ELOVL7: variants seen among roughly 807,000 people sequenced by gnomAD.
The protein encoded by ELOVL7 is very long chain fatty acid elongase 7.
In ELOVL7, 27 loss-of-function variants were observed where a neutral mutation model predicts 35.7. The ratio of observed to expected loss-of-function variants is 0.76; its 90% CI spans 0.56 to 1.04. The LOEUF is 1.04. ELOVL7 is among the 50% of genes least tolerant of loss of function. The pLI is 0.00. For synonymous variants in ELOVL7, 113 were observed against 114.6 expected (o/e 0.99, Z 0.09); for missense variants, 327 against 340.8 (o/e 0.96, Z 0.32).
At chr5:60,783,136 A>C (rs1743363112) in intron 3 of ELOVL7, among the ~76,000 whole-genome samples, 1 of 152,164 alleles carries the variant, frequency 6.6e-6, no homozygotes. Context: ...GTCTGGTGTG[A>C]GACCAAGTTT....
chr5:60,757,483 G>A (rs1022187545), intron 8 of ELOVL7, 26 bp downstream of exon 8: 2 of 1,607,248 alleles, frequency 1.2e-6, no homozygotes, highest in Admixed American at 1.7e-5. Flanking sequence ...CTTCATATAT[G>A]GTTTTAAAGA....
chr5:60,829,226 T>G (rs1219957127), intron 1 of ELOVL7, among the ~76,000 whole-genome samples: 2 of 152,132 alleles, frequency 1.3e-5, no homozygotes, highest in Non-Finnish European at 2.9e-5. Context: ...TTCCCAATTC[T>G]TTTCCTAGAG....
intron 3 of ELOVL7, among the ~76,000 whole-genome samples, chr5:60,781,641 T>C (rs1403874372): frequency 6.6e-6 from 1 of 152,222 alleles, no homozygotes. Context: ...ACTTTCAAGT[T>C]CTACAGATAA....
chr5:60,761,953 G>A (rs922164830), intron 7 of ELOVL7, among the ~76,000 whole-genome samples: 1 of 152,054 alleles, frequency 6.6e-6, no homozygotes, highest in Non-Finnish European at 1.5e-5. Flanking sequence ...ATCGAAGGGG[G>A]CTCGGTTAGT....
chr5:60,757,787 A>G lies in ELOVL7; in HGVS notation c.500-142T>C, dbSNP rs1031547319. On this transcript the variant is annotated intron_variant, in intron 7 of 8. Transcript: ENST00000508821. ...ATATCAATCCTGTTAAACAACTATC[A>G]AATTAGAGGGGGCTGGATAGTATAT... is the stretch of plus-strand genomic sequence containing the variant. 9 of 625,232 alleles carry G rather than the reference A, an allele frequency of 1.4e-5. No homozygotes were observed. The African/African-American group carries it at 1.5e-4, about 10-fold the overall frequency. The allele number at this position is 625,232 out of a possible 1,614,324, so 38.7% of individuals were successfully genotyped here.
At chr5:60,802,061 C>CAT (rs59849955) in intron 1 of ELOVL7, among the ~76,000 whole-genome samples, 82 of 77,284 alleles carry the variant, frequency 1.1e-3, no homozygotes, top group Non-Finnish European at 1.4e-3. Flanking sequence ...AATAAACTCT[C>CAT]ATATATATAT....
chr5:60,826,770 G>A (rs1233133870), intron 1 of ELOVL7, among the ~76,000 whole-genome samples: 3 of 152,072 alleles, frequency 2.0e-5, no homozygotes, highest in African/African-American at 7.2e-5. Flanking sequence ...AAAAACCAGG[G>A]GGTTTCCTTC....
At chr5:60,844,075 G>C (rs1747353025) in intron 1 of ELOVL7, 85 bp downstream of exon 1, 1 of 152,296 alleles carries the variant, frequency 6.6e-6, no homozygotes, top group African/African-American at 2.4e-5. Context: ...CGTTCCCCTC[G>C]GCTCTGCCTC....
chr5:60,770,855 G>A (rs372495749), intron 4 of ELOVL7, among the ~76,000 whole-genome samples: 10 of 152,068 alleles, frequency 6.6e-5, no homozygotes, highest in African/African-American at 1.9e-4. Flanking sequence ...GCACCGCCAC[G>A]CCTGGCTAAT....
chr5:60,754,863 T>C (rs1470697056), intron 8 of ELOVL7, 30 bp from the exon 9 acceptor site: 1 of 1,591,114 alleles, frequency 6.3e-7, no homozygotes, highest in Non-Finnish European at 8.6e-7. Context: ...AAAAAAATTA[T>C]TCAGATATGA....
At chr5:60,783,452 T>C (rs1416744745) in intron 3 of ELOVL7, among the ~76,000 whole-genome samples, 1 of 152,194 alleles carries the variant, frequency 6.6e-6, no homozygotes, top group Non-Finnish European at 1.5e-5. Flanking sequence ...CAGTTATACC[T>C]TTCTGAATAG....
intron 1 of ELOVL7, among the ~76,000 whole-genome samples, chr5:60,814,714 GAA>G (rs1283759681): frequency 6.6e-6 from 1 of 152,302 alleles, no homozygotes; most frequent in African/African-American, 2.4e-5. Context: ...AGCTGTAGAG[GAA>G]GTGTTCAAAG....
rs1271930706 is a variant in ELOVL7, at chr5:60,752,385, T to C, written c.*2239A>G. The C allele has an allele frequency of 6.5e-6, 1 of 152,672 alleles. No individual in the cohort carries two copies. Among genetic ancestry groups the C allele is most frequent in the Non-Finnish European group, 1.5e-5 (1 of 68,050 alleles). 9.5% of individuals were successfully genotyped at this position (152,672 alleles called of 1,614,324 possible). A position where few individuals can be genotyped will look rare whatever the true frequency, so the allele number is the denominator to read the frequency against. On this transcript the variant is annotated 3_prime_UTR_variant, in exon 9 of 9. Transcript: ENST00000508821. ...ACTACAGGGAGGTTAGGAGAGGTTG[T>C]ATGATGAAGGTCGGAAAGTATGCAA...
chr5:60,795,736 C>T (rs934560103), intron 2 of ELOVL7, among the ~76,000 whole-genome samples: 2 of 152,210 alleles, frequency 1.3e-5, no homozygotes, highest in African/African-American at 4.8e-5. Flanking sequence ...CCCAATCGGG[C>T]TAGAGGCTCG....
intron 1 of ELOVL7, among the ~76,000 whole-genome samples, chr5:60,821,506 C>T (rs1196159380): frequency 6.6e-6 from 1 of 152,222 alleles, no homozygotes; most frequent in African/African-American, 2.4e-5. Flanking sequence ...GACTAAAAAT[C>T]CTTGTTCGGC....
At chr5:60,764,796 T>A (rs1742138678) in intron 6 of ELOVL7, among the ~76,000 whole-genome samples, 1 of 152,018 alleles carries the variant, frequency 6.6e-6, no homozygotes, top group South Asian at 2.1e-4. Flanking sequence ...GTTAGGAAAT[T>A]ATTATTAAAG....
chr5:60,760,895 G>A (rs1361131900), intron 7 of ELOVL7, among the ~76,000 whole-genome samples: 1 of 152,144 alleles, frequency 6.6e-6, no homozygotes, highest in East Asian at 1.9e-4. Flanking sequence ...ATCCTAAAAT[G>A]AGGATCTTAG....
At chr5:60,813,813 TCA>T (rs1255302105) in intron 1 of ELOVL7, among the ~76,000 whole-genome samples, 1 of 152,142 alleles carries the variant, frequency 6.6e-6, no homozygotes, top group Non-Finnish European at 1.5e-5. Flanking sequence ...GGCAAGTGCA[TCA>T]CAGTCTTTTC....
At chr5:60,829,816 T>C (rs1746376286) in intron 1 of ELOVL7, among the ~76,000 whole-genome samples, 1 of 152,236 alleles carries the variant, frequency 6.6e-6, no homozygotes, top group Non-Finnish European at 1.5e-5. Context: ...ATCACTTTCA[T>C]TTTACATTTG....
Sources: gnomAD v4.1 joint callset for allele counts (sites outside exome capture counted in the v4.1 genomes callset) on GRCh38, gnomAD v4.1.1 for gene constraint, MANE v1.5 for transcripts, NCBI Gene and HGNC (gene_info 2026-07-23, HGNC 2026-07-21) for gene names.